TCAIM: variants seen among roughly 807,000 people sequenced by gnomAD.
TCAIM encodes the protein T-cell activation inhibitor, mitochondrial.
In TCAIM, 36 loss-of-function variants were observed where a neutral mutation model predicts 58.6. The ratio of observed to expected loss-of-function variants is 0.61; its 90% CI spans 0.47 to 0.81. The LOEUF is 0.81. Among genes scored for constraint, TCAIM ranks in the 30% least tolerant of loss-of-function variants. The pLI is 0.00. For synonymous variants in TCAIM, 172 were observed against 193.6 expected, an observed-to-expected ratio of 0.89 and a Z score of 0.93; for missense variants, 466 against 579.6, an observed-to-expected ratio of 0.80 and a Z score of 2.01.
intron 1 of TCAIM, among the ~76,000 whole-genome samples, chr3:44,354,187 G>A (rs990836033): frequency 6.6e-6 from 1 of 152,138 alleles, no homozygotes; most frequent in Non-Finnish European, 1.5e-5. Context: ...TTGCTCCACT[G>A]GATTGCCTTT....
chr3:44,387,806 A>G (rs1180598651), intron 5 of TCAIM, among the ~76,000 whole-genome samples: 1 of 152,180 alleles, frequency 6.6e-6, no homozygotes, highest in Non-Finnish European at 1.5e-5. Context: ...CCAGCTGGAA[A>G]AGCAACACCC....
chr3:44,382,371 G>T (rs1327518611), intron 5 of TCAIM, among the ~76,000 whole-genome samples: 1 of 152,096 alleles, frequency 6.6e-6, no homozygotes, highest in Non-Finnish European at 1.5e-5. Flanking sequence ...ACCGTAGTGA[G>T]ACCCCAATCT....
chr3:44,359,804 C>T (rs1014248286), intron 3 of TCAIM: 1 of 152,214 alleles, frequency 6.6e-6, no homozygotes, highest in African/African-American at 2.4e-5. Flanking sequence ...AATAAAACAG[C>T]TTGTCTGAGT....
At chr3:44,384,275 A>C (rs1701699637) in intron 5 of TCAIM, among the ~76,000 whole-genome samples, 1 of 152,246 alleles carries the variant, frequency 6.6e-6, no homozygotes, top group Non-Finnish European at 1.5e-5. Flanking sequence ...AGAGTAATTT[A>C]GAACTTTATT....
intron 1 of TCAIM, among the ~76,000 whole-genome samples, chr3:44,348,495 G>A (rs1701019069): frequency 6.6e-6 from 1 of 152,236 alleles, no homozygotes; most frequent in South Asian, 2.1e-4. Flanking sequence ...AGATCCTGGG[G>A]GAGGAGGTCC....
intron 5 of TCAIM, among the ~76,000 whole-genome samples, chr3:44,387,229 C>A (rs890823376): frequency 6.6e-6 from 1 of 152,172 alleles, no homozygotes; most frequent in Admixed American, 6.5e-5. Context: ...AACCTGCTGG[C>A]AGAAAGGAGC....
intron 5 of TCAIM, among the ~76,000 whole-genome samples, chr3:44,381,471 TAAAG>T (rs1701653836): frequency 6.6e-6 from 1 of 151,888 alleles, no homozygotes; most frequent in South Asian, 2.1e-4. Context: ...ACTCTAGAAA[TAAAG>T]GAAACTACAT....
intron 5 of TCAIM, among the ~76,000 whole-genome samples, chr3:44,379,061 G>A (rs1031942863): frequency 8.7e-5 from 13 of 150,092 alleles, no homozygotes; most frequent in African/African-American, 2.9e-4. Flanking sequence ...TGGGGAGGCT[G>A]AGGCAGGAGG....
intron 5 of TCAIM, among the ~76,000 whole-genome samples, chr3:44,382,235 TAAAC>T (rs772612922): frequency 6.6e-6 from 1 of 152,128 alleles, no homozygotes; most frequent in Non-Finnish European, 1.5e-5. Flanking sequence ...AAAGCTATAG[TAAAC>T]AAAGCATTGT....
chr3:44,389,477 C>T (rs1186025399), intron 5 of TCAIM, among the ~76,000 whole-genome samples: 1 of 152,018 alleles, frequency 6.6e-6, no homozygotes, highest in Non-Finnish European at 1.5e-5. Context: ...ACATTTGGGC[C>T]CCAAACCAGA....
Position 44,407,600 on chromosome 3 carries a change from G to C in TCAIM, c.1409G>C (p.Cys470Ser). 6.2e-7 allele frequency: 1 copy of C among 1,613,852 alleles called. No individual in the cohort carries two copies. Among genetic ancestry groups the C allele is most frequent in the Non-Finnish European group, 8.5e-7 (1 of 1,179,914 alleles). ...CCTTACCTACATGGGATGCACCTCT[G>C]CATTTCACATTTTTACTCTGTTATG... is the stretch of plus-strand genomic sequence containing the variant. ...SLPYLHGMHL[C>S]ISHFYSVMQD... Residue 470 changes from cysteine (C) to serine (S), a missense_variant, in exon 11 of 11, where the codon TGC (cysteine) becomes TCC (serine). Physicochemically the swap from Cys to Ser is moderately radical, Grantham distance 112. Coordinates refer to ENST00000342649, the MANE Select transcript of TCAIM (RefSeq NM_173826.4).
At chr3:44,405,726 C>T (rs1191483285) in intron 10 of TCAIM, among the ~76,000 whole-genome samples, 2 of 151,808 alleles carry the variant, frequency 1.3e-5, no homozygotes, top group Admixed American at 6.6e-5. Context: ...GAGGCTGAGG[C>T]GGGTGGATCA....
At position 44,407,805 on chromosome 3, in the gene TCAIM, A is replaced by G; in HGVS notation, c.*123A>G. The G allele has an allele frequency of 1.8e-6, 2 of 1,085,414 alleles. No individual in the cohort carries two copies. The highest frequency in any genetic ancestry group is 2.5e-6 in the Non-Finnish European group (2 of 799,842). 67.2% of individuals were successfully genotyped at this position (1,085,414 alleles called of 1,614,324 possible). ...AACAAAGTTTCTAACTGCTGCTTTA[A>G]AAGTAGACTTTTTTAAAAAAATTAA... On this transcript the variant is annotated 3_prime_UTR_variant, in exon 11 of 11. Coordinates refer to ENST00000342649, the MANE Select transcript of TCAIM (RefSeq NM_173826.4).
At chr3:44,356,393 G>A (rs1406343648) in intron 2 of TCAIM, among the ~76,000 whole-genome samples, 1 of 152,082 alleles carries the variant, frequency 6.6e-6, no homozygotes, top group African/African-American at 2.4e-5. Flanking sequence ...TGGGCACGGT[G>A]GCGTGCACCT....
rs113106244 is a variant in TCAIM at position 44,357,434 on chromosome 3, A to G, written c.30-307A>G. Among the ~76,000 whole-genome samples, 402 of 152,342 alleles carry G rather than the reference A, an allele frequency of 2.6e-3. 5 individuals are homozygous for G. Among genetic ancestry groups the G allele is most frequent in the African/African-American group, 9.4e-3 (389 of 41,586 alleles). ...TGGATATTAAGATTTTTTGATCTGA[A>G]TAAGAAACTTATAAAGAAAATTGTT... On this transcript the variant is annotated intron_variant, in intron 2 of 10. Transcript: ENST00000342649.
intron 4 of TCAIM, among the ~76,000 whole-genome samples, chr3:44,366,906 T>A (rs1281423248): frequency 6.6e-6 from 1 of 152,178 alleles, no homozygotes; most frequent in Non-Finnish European, 1.5e-5. Flanking sequence ...TAGAGAATTT[T>A]AAATCACTCC....
chr3:44,339,494 T>G (rs765365206), intron 1 of TCAIM, among the ~76,000 whole-genome samples: 11 of 152,214 alleles, frequency 7.2e-5, no homozygotes, highest in African/African-American at 2.7e-4. Context: ...TTTCACTGAT[T>G]TAGGTATCTT....
chr3:44,409,367 A>G lies in TCAIM; in HGVS notation c.*1685A>G, dbSNP rs1000364825. 3.3e-5 allele frequency: 5 copies of G among 152,252 alleles called. No homozygotes were observed. Among genetic ancestry groups the G allele is most frequent in the Non-Finnish European group, 7.3e-5 (5 of 68,038 alleles). 9.4% of individuals were successfully genotyped at this position (152,252 alleles called of 1,614,324 possible). Reference sequence around the variant, plus strand: ...TTGGATTATACGATTTCTAAAATATACTAATACAGAATCCTCAGTAATATG... The same window carrying G: ...TTGGATTATACGATTTCTAAAATATGCTAATACAGAATCCTCAGTAATATG... On this transcript the variant is annotated 3_prime_UTR_variant, in exon 11 of 11. Transcript: ENST00000342649.
At chr3:44,395,668 A>G (rs1028960976) in intron 6 of TCAIM, among the ~76,000 whole-genome samples, 24 of 152,240 alleles carry the variant, frequency 1.6e-4, no homozygotes, top group Admixed American at 1.5e-3. Flanking sequence ...TTTCATCAAA[A>G]TCACTTTCTC....
Sources: allele counts gnomAD v4.1 joint callset (sites outside exome capture counted in the v4.1 genomes callset), GRCh38; gene constraint gnomAD v4.1.1; transcripts MANE v1.5; gene names NCBI Gene and HGNC (gene_info 2026-07-23, HGNC 2026-07-21).